COL23A1: variants seen among roughly 807,000 people sequenced by gnomAD.
COL23A1 encodes collagen type XXIII alpha 1 chain.
Under a neutral mutation model 99.3 loss-of-function variants are expected in COL23A1, and 97 were observed. The observed-to-expected ratio is 0.98, with a 90% CI of 0.83 to 1.16. The LOEUF (loss-of-function observed/expected upper bound fraction) is 1.16, where lower values mean the gene tolerates loss of function less well. Among genes scored for constraint, COL23A1 ranks in the 50% most tolerant of loss-of-function variants. The probability of loss-of-function intolerance (pLI) is 0.00; values close to 1 mark genes in which losing one functional copy is unlikely to be tolerated. For synonymous variants in COL23A1, 320 were observed against 308.2 expected, an observed-to-expected ratio of 1.04 and a Z score of -0.40; for missense variants, 762 against 757.4, an observed-to-expected ratio of 1.01 and a Z score of -0.07.
intron 5 of COL23A1, among the ~76,000 whole-genome samples, chr5:178,284,085 T>A (rs1196670253): frequency 6.6e-6 from 1 of 152,202 alleles, no homozygotes; most frequent in Non-Finnish European, 1.5e-5. Flanking sequence ...AATGCAAGAG[T>A]GCCGTGCCTA....
intron 3 of COL23A1, among the ~76,000 whole-genome samples, chr5:178,293,890 G>A (rs1757592395): frequency 6.6e-6 from 1 of 152,068 alleles, no homozygotes. Context: ...AGGAGGCCAA[G>A]TCTATCAGAG....
intron 4 of COL23A1, chr5:178,288,699 A>C: frequency 8.0e-6 from 3 of 373,644 alleles, no homozygotes; most frequent in East Asian, 4.5e-5. Flanking sequence ...GGAACTGAAA[A>C]TGCTCCTTAA....
At chr5:178,479,465 G>A (rs899515968) in intron 2 of COL23A1, among the ~76,000 whole-genome samples, 4 of 152,182 alleles carry the variant, frequency 2.6e-5, no homozygotes, top group African/African-American at 4.8e-5. Flanking sequence ...CACAGCGGCC[G>A]GTGAGGCTGC....
intron 3 of COL23A1, among the ~76,000 whole-genome samples, chr5:178,298,419 T>C (rs1757862908): frequency 1.3e-5 from 2 of 152,250 alleles, no homozygotes; most frequent in South Asian, 4.1e-4. Flanking sequence ...TCCCAAAGGG[T>C]GTGTCCAGCC....
intron 1 of COL23A1, among the ~76,000 whole-genome samples, chr5:178,588,022 C>A (rs911962261): frequency 1.3e-5 from 2 of 152,206 alleles, no homozygotes; most frequent in African/African-American, 4.8e-5. Flanking sequence ...CTCAGATACC[C>A]AGCTGGGATT....
intron 2 of COL23A1, among the ~76,000 whole-genome samples, chr5:178,483,937 G>C (rs552972966): frequency 6.6e-6 from 1 of 152,146 alleles, no homozygotes; most frequent in Non-Finnish European, 1.5e-5. Flanking sequence ...TGCTAGGCAA[G>C]ATTTTTTTTT....
intron 2 of COL23A1, among the ~76,000 whole-genome samples, chr5:178,528,984 A>G (rs1760484682): frequency 6.6e-6 from 1 of 152,388 alleles, no homozygotes; most frequent in East Asian, 1.9e-4. Flanking sequence ...CCCAAAATTC[A>G]GTGGCCTAAA....
At position 178,418,971 on chromosome 5, in the gene COL23A1, T is replaced by C. The variant is rs560431527; in HGVS notation, c.362-112052A>G. Among the ~76,000 whole-genome samples the C allele has an allele frequency of 7.9e-5, 12 of 152,326 alleles. No individual in the cohort carries two copies. The South Asian group carries it at 2.5e-3, about 32-fold the overall frequency. ...GCCCCAGGAGAGCAAGGACTCTGCC[T>C]GCCTCATCCACTTCATAGTGCTTGG... On this transcript the variant is annotated intron_variant, in intron 2 of 28. Coordinates refer to ENST00000390654, the MANE Select transcript of COL23A1 (RefSeq NM_173465.4).
intron 2 of COL23A1, among the ~76,000 whole-genome samples, chr5:178,453,120 C>T (rs1262761884): frequency 2.6e-5 from 4 of 151,762 alleles, no homozygotes; most frequent in Non-Finnish European, 2.9e-5. Flanking sequence ...GAAAGGATCT[C>T]CATGACATGC....
intron 2 of COL23A1, among the ~76,000 whole-genome samples, chr5:178,372,699 T>C (rs1458009522): frequency 4.0e-5 from 6 of 151,358 alleles, no homozygotes; most frequent in Non-Finnish European, 7.4e-5. Flanking sequence ...CAGCCTCCCG[T>C]GTAGCTGGGA....
chr5:178,358,273 TG>T (rs1561896969), intron 2 of COL23A1, among the ~76,000 whole-genome samples: 1 of 149,858 alleles, frequency 6.7e-6, no homozygotes, highest in Non-Finnish European at 1.5e-5. Context: ...TGTGTGTATA[TG>T]TGTGTATGCG....
intron 2 of COL23A1, among the ~76,000 whole-genome samples, chr5:178,360,041 TG>T (rs1762093581): frequency 6.6e-6 from 1 of 152,134 alleles, no homozygotes; most frequent in Admixed American, 6.5e-5. Context: ...CATAGGTCTT[TG>T]GGGGCAACTC....
chr5:178,589,460 T>A lies in COL23A1; in HGVS notation c.294+444A>T, dbSNP rs375768309. On this transcript the variant is annotated intron_variant, in intron 1 of 28. Coordinates refer to ENST00000390654, the MANE Select transcript of COL23A1 (RefSeq NM_173465.4). This position sits in a 1 kb window ranked among gnomAD's most constrained non-coding sequence, Gnocchi z 5.4. ...GCCTGTCTGAGGCTTTCCTCCGCCG[T>A]GACCACCGCCTCTCCAGGTGTACCA... Among the ~76,000 whole-genome samples the A allele has an allele frequency of 1.4e-4, 22 of 152,202 alleles. No homozygotes were observed. Among genetic ancestry groups the A allele is most frequent in the Middle Eastern group, 3.4e-3 (1 of 294 alleles).
intron 17 of COL23A1, among the ~76,000 whole-genome samples, chr5:178,250,550 T>G (rs1247258495): frequency 6.6e-6 from 1 of 152,192 alleles, no homozygotes; most frequent in Non-Finnish European, 1.5e-5. Flanking sequence ...TTTTAGCTGG[T>G]GGATATTTAT....
intron 1 of COL23A1, among the ~76,000 whole-genome samples, chr5:178,585,669 C>CCT (rs1377713887): frequency 0.015 from 73 of 4,960 alleles, no homozygotes; most frequent in African/African-American, 0.018. Context: ...GGTAACACTC[C>CCT]ACAGCCCTGG....
Position 178,249,218 on chromosome 5 carries a change from A to C in COL23A1, c.1060-12T>G. 1.9e-6 allele frequency: 3 copies of C among 1,613,566 alleles called. No individual in the cohort carries two copies. The highest frequency in any genetic ancestry group is 2.5e-6 in the Non-Finnish European group (3 of 1,179,506). ...TGTCCTTTGGGGCCCTGAAAGCCATAAGCACAAGGGATGAGTGGGGCTCAG... is the reference window on the plus strand; with the variant it reads ...TGTCCTTTGGGGCCCTGAAAGCCATCAGCACAAGGGATGAGTGGGGCTCAG... On this transcript the variant is annotated splice_polypyrimidine_tract_variant and intron_variant, in intron 18 of 28. Coordinates refer to ENST00000390654, the MANE Select transcript of COL23A1 (RefSeq NM_173465.4).
chr5:178,348,540 T>G (rs1048418261), intron 2 of COL23A1, among the ~76,000 whole-genome samples: 10 of 152,230 alleles, frequency 6.6e-5, no homozygotes, highest in African/African-American at 1.9e-4. Context: ...CGAACGGCGC[T>G]GGGCCAGCAG....
intron 2 of COL23A1, among the ~76,000 whole-genome samples, chr5:178,549,559 T>C (rs1424870864): frequency 1.3e-5 from 2 of 152,094 alleles, no homozygotes; most frequent in African/African-American, 4.8e-5. Flanking sequence ...CTCATGCCTG[T>C]AATCCCATCA....
chr5:178,521,046 A>G (rs532125523), intron 2 of COL23A1, among the ~76,000 whole-genome samples: 3 of 152,308 alleles, frequency 2.0e-5, no homozygotes, highest in South Asian at 4.1e-4. Flanking sequence ...GGTGTAGCCT[A>G]TTGCCCCCAG....
Sources: gnomAD v4.1 joint callset for allele counts (sites outside exome capture counted in the v4.1 genomes callset) on GRCh38, gnomAD v4.1.1 for gene constraint, Gnocchi (gnomAD v3.1) non-coding constraint, MANE v1.5 for transcripts, NCBI Gene and HGNC (gene_info 2026-07-23, HGNC 2026-07-21) for gene names.